Variants in BMERB1 observed in about 807,000 individuals in gnomAD.
BMERB1 encodes bMERB domain-containing protein 1.
BMERB1 carries 12 observed loss-of-function variants against 23.6 expected under a neutral mutation model. That is an observed-to-expected ratio of 0.51 (90% CI 0.33 to 0.82). The LOEUF is 0.82. Ranked by LOEUF, BMERB1 falls within the 40% of genes least tolerant of loss-of-function variation. BMERB1 has a pLI of 0.03. For synonymous variants in BMERB1, 122 were observed against 96.6 expected (o/e 1.26, Z -1.54); for missense variants, 247 against 255.4 (o/e 0.97, Z 0.22).
intron 1 of BMERB1, among the ~76,000 whole-genome samples, chr16:15,509,334 G>GT (rs2051630884): frequency 7.0e-6 from 1 of 142,376 alleles, no homozygotes; most frequent in Non-Finnish European, 1.5e-5. Context: ...TGGAAGGGGG[G>GT]TGGGGGGGGA....
intron 2 of BMERB1, among the ~76,000 whole-genome samples, chr16:15,552,607 G>A (rs368502951): frequency 2.0e-5 from 3 of 152,332 alleles, no homozygotes; most frequent in African/African-American, 4.8e-5. Flanking sequence ...CACTGGGCAC[G>A]GCCCAGTTCC....
chr16:15,502,385 G>T, intron 1 of BMERB1: 5 of 1,545,950 alleles, frequency 3.2e-6, no homozygotes, highest in Non-Finnish European at 3.5e-6. Context: ...AGGTATGATC[G>T]CTCTTGGGGG....
intron 1 of BMERB1, among the ~76,000 whole-genome samples, chr16:15,462,907 C>T (rs759411722): frequency 6.6e-6 from 1 of 152,046 alleles, no homozygotes; most frequent in Non-Finnish European, 1.5e-5. Flanking sequence ...CCAACGCCAC[C>T]AGCACTAGAT....
intron 2 of BMERB1, among the ~76,000 whole-genome samples, chr16:15,517,473 T>G (rs1021749631): frequency 1.8e-4 from 27 of 152,164 alleles, no homozygotes; most frequent in African/African-American, 6.0e-4. Context: ...ATTATACCAT[T>G]TCACTCCAGT....
intron 1 of BMERB1, among the ~76,000 whole-genome samples, chr16:15,457,278 C>T (rs993310727): frequency 5.3e-5 from 8 of 152,154 alleles, no homozygotes; most frequent in Admixed American, 3.3e-4. Context: ...AAGAAAATAT[C>T]GTAATTCAAA....
intron 2 of BMERB1, among the ~76,000 whole-genome samples, chr16:15,540,953 A>C (rs1041525818): frequency 6.6e-6 from 1 of 152,058 alleles, no homozygotes. Flanking sequence ...CAATTCAGCT[A>C]TCACACTATG....
intron 1 of BMERB1, among the ~76,000 whole-genome samples, chr16:15,447,599 C>T (rs913033764): frequency 3.3e-5 from 5 of 151,996 alleles, no homozygotes; most frequent in Non-Finnish European, 7.4e-5. Context: ...TAAATGGTGG[C>T]GATCATGTTA....
intron 1 of BMERB1, among the ~76,000 whole-genome samples, chr16:15,460,145 A>G (rs992743176): frequency 6.6e-6 from 1 of 152,112 alleles, no homozygotes; most frequent in Non-Finnish European, 1.5e-5. Flanking sequence ...CCCTTCTCCA[A>G]CTTCTATGGA....
At chr16:15,451,267 T>C (rs1387767465) in intron 1 of BMERB1, among the ~76,000 whole-genome samples, 1 of 152,096 alleles carries the variant, frequency 6.6e-6, no homozygotes, top group Non-Finnish European at 1.5e-5. Flanking sequence ...TCTCTGCTAC[T>C]GCAGTCCCTA....
chr16:15,451,733 A>ATTTTTTTTT (rs71152429), intron 1 of BMERB1, among the ~76,000 whole-genome samples: 1 of 77,410 alleles, frequency 1.3e-5, no homozygotes, highest in Non-Finnish European at 2.4e-5. Flanking sequence ...TAGCTAACTA[A>ATTTTTTTTT]TTTTTTTTTT....
Position 15,587,109 on chromosome 16 carries a change from AAAAAG to A in BMERB1, c.*281_*285del. On this transcript the variant is annotated 3_prime_UTR_variant, in exon 6 of 6. Coordinates refer to ENST00000300006, the MANE Select transcript of BMERB1 (RefSeq NM_033201.3). ...AAACACCAGGAAAGGTCCTCCCTCA[AAAAAG>A]CATATCTCCACTTCTCTCTAGCTGT... is the stretch of plus-strand genomic sequence containing the variant. 1 of 443,266 alleles carries A rather than the reference AAAAAG, an allele frequency of 2.3e-6. No individual in the cohort carries two copies. Among genetic ancestry groups the A allele is most frequent in the South Asian group, 3.4e-5 (1 of 29,332 alleles). 27.5% of individuals were successfully genotyped at this position (443,266 alleles called of 1,614,324 possible).
At chr16:15,449,334 A>G (rs1048009243) in intron 1 of BMERB1, among the ~76,000 whole-genome samples, 1 of 152,184 alleles carries the variant, frequency 6.6e-6, no homozygotes, top group African/African-American at 2.4e-5. Flanking sequence ...ACAAATGGAC[A>G]CAAAGGTGGG....
intron 2 of BMERB1, among the ~76,000 whole-genome samples, chr16:15,516,662 C>T (rs1243797186): frequency 6.7e-6 from 1 of 148,868 alleles, no homozygotes; most frequent in African/African-American, 2.5e-5. Flanking sequence ...TAGGCCCCTC[C>T]CCTATTCTTT....
intron 2 of BMERB1, among the ~76,000 whole-genome samples, chr16:15,565,219 A>T (rs762294819): frequency 6.6e-6 from 1 of 151,960 alleles, no homozygotes; most frequent in Non-Finnish European, 1.5e-5. Flanking sequence ...GTGGACTCAG[A>T]CTCCGAAGGG....
intron 1 of BMERB1, among the ~76,000 whole-genome samples, chr16:15,448,791 C>CA (rs1012786690): frequency 5.3e-5 from 8 of 151,556 alleles, no homozygotes; most frequent in East Asian, 1.9e-4. Flanking sequence ...GAATCTGTCT[C>CA]AAAAAAAACT....
At chr16:15,583,432 G>A (rs565673819) in intron 5 of BMERB1, among the ~76,000 whole-genome samples, 194 bp downstream of exon 5, 1 of 152,120 alleles carries the variant, frequency 6.6e-6, no homozygotes, top group South Asian at 2.1e-4. Context: ...ATAAAAATTA[G>A]CTGGGCACGG....
intron 1 of BMERB1, among the ~76,000 whole-genome samples, chr16:15,465,023 G>T (rs2051169133): frequency 6.6e-6 from 1 of 152,142 alleles, no homozygotes; most frequent in African/African-American, 2.4e-5. Context: ...TTGAGCAAAT[G>T]AAAGATCTGT....
chr16:15,435,411 C>T (rs2050879857), intron 1 of BMERB1, among the ~76,000 whole-genome samples: 1 of 152,346 alleles, frequency 6.6e-6, no homozygotes, highest in Non-Finnish European at 1.5e-5. Context: ...TTTACTGGTT[C>T]TCTCTGCGGT....
At chr16:15,536,721 T>TA (rs1403962803) in intron 2 of BMERB1, 7 of 152,204 alleles carry the variant, frequency 4.6e-5, no homozygotes, top group African/African-American at 1.7e-4. Context: ...GGCCTGGTCT[T>TA]ACAGCCAGAG....
Sources: allele counts gnomAD v4.1 joint callset (sites outside exome capture counted in the v4.1 genomes callset), GRCh38; gene constraint gnomAD v4.1.1; transcripts MANE v1.5; gene names NCBI Gene and HGNC (gene_info 2026-07-23, HGNC 2026-07-21).